The following FAM47E variants were observed in gnomAD, a reference collection of about 807,000 sequenced individuals.
The protein encoded by FAM47E is family with sequence similarity 47 member E.
Under a neutral mutation model 41.6 loss-of-function variants are expected in FAM47E, and 32 were observed. The ratio of observed to expected loss-of-function variants is 0.77; its 90% CI spans 0.58 to 1.03. The LOEUF (loss-of-function observed/expected upper bound fraction) is 1.03, where lower values mean the gene tolerates loss of function less well. Among genes scored for constraint, FAM47E ranks in the 50% least tolerant of loss-of-function variants. FAM47E has a pLI of 0.00. For synonymous variants in FAM47E, 184 were observed against 188.7 expected, an observed-to-expected ratio of 0.98 and a Z score of 0.20; for missense variants, 424 against 485.4, an observed-to-expected ratio of 0.87 and a Z score of 1.19.
intron 2 of FAM47E, among the ~76,000 whole-genome samples, chr4:76,245,588 G>A (rs368537152): frequency 6.6e-6 from 1 of 152,154 alleles, no homozygotes; most frequent in African/African-American, 2.4e-5. Context: ...GCTTGCTGAC[G>A]CCAGGGCAGA....
intron 2 of FAM47E, among the ~76,000 whole-genome samples, chr4:76,258,183 A>T (rs935706078): frequency 6.6e-6 from 1 of 152,174 alleles, no homozygotes; most frequent in African/African-American, 2.4e-5. Context: ...AGGATCTTTT[A>T]TGGTGCTAAG....
intron 1 of FAM47E, among the ~76,000 whole-genome samples, chr4:76,254,605 T>A (rs1341819208): frequency 6.6e-6 from 1 of 152,154 alleles, no homozygotes; most frequent in East Asian, 1.9e-4. Flanking sequence ...TTTCTAGGAC[T>A]CACTAGAGAA....
chr4:76,226,540 G>A (rs1333387263), intron 2 of FAM47E, among the ~76,000 whole-genome samples: 1 of 152,080 alleles, frequency 6.6e-6, no homozygotes, highest in African/African-American at 2.4e-5. Flanking sequence ...AGATTGTAGT[G>A]CTGTGGGGCA....
At chr4:76,251,292 C>T (rs77457533), upstream of FAM47E, among the ~76,000 whole-genome samples, 10,072 of 152,140 alleles carry the variant, frequency 0.066, 346 homozygotes, top group Middle Eastern at 0.11. Flanking sequence ...CAAGAGAGTT[C>T]CAAGACCTCC....
chr4:76,232,907 A>G (rs1296517832), intron 2 of FAM47E, among the ~76,000 whole-genome samples: 1 of 152,224 alleles, frequency 6.6e-6, no homozygotes, highest in Non-Finnish European at 1.5e-5. Flanking sequence ...AGCAGCAAAA[A>G]CCTTTAATAA....
chr4:76,237,372 TG>T lies in FAM47E; in HGVS notation c.81+19685del, dbSNP rs1296845030. Among the ~76,000 whole-genome samples the T allele has an allele frequency of 9.0e-3, 1,311 of 145,762 alleles. 23 individuals carry two copies. The highest frequency in any genetic ancestry group is 0.032 in the African/African-American group (1,231 of 38,906). On this transcript the variant is annotated intron_variant, in intron 2 of 7. Coordinates refer to the FAM47E transcript ENST00000510197. ...TAGAGTTTTTTTTTTTTTGTTTGTTTGTTTGTTTTTTTTTTGGTTTACAAGG... is the reference window on the plus strand; with the variant it reads ...TAGAGTTTTTTTTTTTTTGTTTGTTTTTTGTTTTTTTTTTGGTTTACAAGG...
intron 6 of FAM47E, 147 bp downstream of exon 6, chr4:76,278,371 C>A: frequency 1.2e-6 from 1 of 854,686 alleles, no homozygotes; most frequent in Non-Finnish European, 1.6e-6. Flanking sequence ...AAGGAGAAAG[C>A]TAAGTAATGT....
intron 2 of FAM47E, chr4:76,217,757 C>G: frequency 4.1e-6 from 2 of 486,490 alleles, no homozygotes; most frequent in Non-Finnish European, 7.4e-6. Context: ...CAAGGAGATA[C>G]GGTGATCTCT....
chr4:76,221,213 C>T (rs567860861), intron 2 of FAM47E, among the ~76,000 whole-genome samples: 5 of 152,238 alleles, frequency 3.3e-5, no homozygotes, highest in Non-Finnish European at 7.3e-5. Flanking sequence ...AGCCCAGCAG[C>T]CTTCACCTGC....
intron 2 of FAM47E, among the ~76,000 whole-genome samples, chr4:76,233,115 C>G (rs1733521018): frequency 6.6e-6 from 1 of 152,196 alleles, no homozygotes; most frequent in African/African-American, 2.4e-5. Context: ...TTCTTACACA[C>G]CTTGCATGTA....
chr4:76,269,994 A>G (rs1233195798), intron 4 of FAM47E, among the ~76,000 whole-genome samples: 9 of 152,110 alleles, frequency 5.9e-5, no homozygotes, highest in African/African-American at 1.2e-4. Flanking sequence ...GTTTTAGTCA[A>G]TGTATTTTTT....
At chr4:76,281,527 T>A (rs1407521028) in intron 7 of FAM47E, 1 of 151,860 alleles carries the variant, frequency 6.6e-6, no homozygotes, top group Non-Finnish European at 1.5e-5. Context: ...ATTACATAAT[T>A]ATGTGTTTAC....
At chr4:76,236,998 C>T (rs769250602) in intron 2 of FAM47E, among the ~76,000 whole-genome samples, 13 of 151,226 alleles carry the variant, frequency 8.6e-5, no homozygotes, top group Non-Finnish European at 1.9e-4. Flanking sequence ...CAGGTTCATG[C>T]CATTCTCCTG....
At chr4:76,254,285 T>C (rs963852696) in intron 1 of FAM47E, among the ~76,000 whole-genome samples, 1 of 152,166 alleles carries the variant, frequency 6.6e-6, no homozygotes, top group African/African-American at 2.4e-5. Context: ...AAATATTTGT[T>C]CTCAGATTTG....
chr4:76,241,564 T>C (rs1335309831), intron 2 of FAM47E, among the ~76,000 whole-genome samples: 1 of 152,170 alleles, frequency 6.6e-6, no homozygotes, highest in African/African-American at 2.4e-5. Context: ...TTGGCTACTA[T>C]TGGCTATTAC....
intron 2 of FAM47E, among the ~76,000 whole-genome samples, chr4:76,238,725 ATTGT>A (rs2109990004): frequency 6.6e-6 from 1 of 152,264 alleles, no homozygotes; most frequent in Admixed American, 6.5e-5. Flanking sequence ...AAAAAACTTT[ATTGT>A]TTATTTACCA....
chr4:76,254,534 A>G (rs55870158), intron 1 of FAM47E, among the ~76,000 whole-genome samples: 56,659 of 152,022 alleles, frequency 0.37, 13,090 homozygotes, highest in Non-Finnish European at 0.53. Flanking sequence ...CTAGATCTTC[A>G]CAGTAGAGTT....
intron 3 of FAM47E, among the ~76,000 whole-genome samples, chr4:76,265,559 C>G (rs562297146): frequency 3.3e-4 from 51 of 152,280 alleles, no homozygotes; most frequent in Non-Finnish European, 4.1e-4. Flanking sequence ...GTTACTGACA[C>G]AGGGCTCCTA....
At chr4:76,237,357 T>TCTGG (rs1733607727) in intron 2 of FAM47E, among the ~76,000 whole-genome samples, 6 of 123,072 alleles carry the variant, frequency 4.9e-5, no homozygotes, top group African/African-American at 1.6e-4. Flanking sequence ...TAGAGTTTTT[T>TCTGG]TTTTTTTGTT....
Sources: gnomAD v4.1 joint callset for allele counts (sites outside exome capture counted in the v4.1 genomes callset) on GRCh38, gnomAD v4.1.1 for gene constraint, MANE v1.5 for transcripts, NCBI Gene and HGNC (gene_info 2026-07-23, HGNC 2026-07-21) for gene names.